NFIB: variants seen among roughly 807,000 people sequenced by gnomAD.
The protein encoded by NFIB is nuclear factor 1 B-type.
NFIB carries 11 observed loss-of-function variants against 61.5 expected under a neutral mutation model. The observed-to-expected ratio is 0.18, with a 90% CI of 0.11 to 0.30. The LOEUF (loss-of-function observed/expected upper bound fraction) is 0.30, where lower values mean the gene tolerates loss of function less well. NFIB is among the 10% of genes least tolerant of loss of function. NFIB has a pLI of 1.00. For missense variants in NFIB, 471 were observed against 608.9 expected (o/e 0.77, Z 2.38); for synonymous variants, 260 against 216.5 (o/e 1.20, Z -1.76).
chr9:14,509,178 T>C, the NFIB span, among the ~76,000 whole-genome samples: 2 of 152,232 alleles, frequency 1.3e-5, no homozygotes, highest in Admixed American at 6.5e-5. Context: ...CCTACCCTTG[T>C]AGAGCTCATA....
the NFIB span, among the ~76,000 whole-genome samples, chr9:14,512,629 T>A: frequency 1.3e-5 from 2 of 152,154 alleles, no homozygotes; most frequent in African/African-American, 4.8e-5. Context: ...ATTATCATGC[T>A]TTTAATGTAG....
chr9:14,211,071 T>TA (rs2050255551), intron 2 of NFIB, among the ~76,000 whole-genome samples: 5 of 152,238 alleles, frequency 3.3e-5, no homozygotes, highest in Non-Finnish European at 7.3e-5. Context: ...TTTAAAGTAT[T>TA]AATTACATAC....
the NFIB span, among the ~76,000 whole-genome samples, chr9:14,420,782 G>A: frequency 1.8e-4 from 28 of 152,048 alleles, no homozygotes; most frequent in Non-Finnish European, 3.5e-4. Context: ...ACACAGTCCC[G>A]AAACTTCCTA....
intron 2 of NFIB, among the ~76,000 whole-genome samples, chr9:14,195,369 T>C (rs771778255): frequency 5.9e-5 from 9 of 152,206 alleles, no homozygotes; most frequent in Non-Finnish European, 1.2e-4. Flanking sequence ...TGACAAAATA[T>C]TGTATTTTTT....
rs201069181 is a variant in NFIB at position 14,371,112 on chromosome 9, A to C, written c.108+27412T>G. 9.4e-3 allele frequency among the ~76,000 whole-genome samples: 1,353 copies of C among 143,186 alleles called. 12 individuals carry two copies. The highest frequency in any genetic ancestry group is 0.014 in the Non-Finnish European group (877 of 62,658). The allele number at this position is 143,186 out of a possible 152,430, so 93.9% of individuals were successfully genotyped here. A position where few individuals can be genotyped will look rare whatever the true frequency, so the allele number is the denominator to read the frequency against. On this transcript the variant is annotated intron_variant, in intron 1 of 8. Coordinates refer to the NFIB transcript ENST00000380934. ...CCTGTCTCAAAAAAACCAAACCAAA[A>C]CAAAACAAACAAACAAACAAACAAA...
the NFIB span, among the ~76,000 whole-genome samples, chr9:14,528,063 G>A: frequency 5.3e-5 from 8 of 151,912 alleles, no homozygotes; most frequent in African/African-American, 1.7e-4. Context: ...ATTTATCAGA[G>A]GATCTATTAA....
chr9:14,487,979 A>G, the NFIB span, among the ~76,000 whole-genome samples: 1 of 152,184 alleles, frequency 6.6e-6, no homozygotes, highest in African/African-American at 2.4e-5. Flanking sequence ...TCTAAAGAAC[A>G]TGACACAGGC....
intron 2 of NFIB, among the ~76,000 whole-genome samples, chr9:14,297,396 A>G (rs1049995031): frequency 6.6e-6 from 1 of 152,220 alleles, no homozygotes; most frequent in African/African-American, 2.4e-5. Context: ...CACTTCATTC[A>G]ACCTTCCTCC....
the NFIB span, among the ~76,000 whole-genome samples, chr9:14,456,856 C>T: frequency 3.9e-5 from 6 of 152,126 alleles, no homozygotes; most frequent in African/African-American, 1.4e-4. Flanking sequence ...ATTGATGCAC[C>T]TGTACATGTG....
chr9:14,217,660 C>CAAAAAAAAAAAAAAAAAAAAAAAAAA lies in NFIB; in HGVS notation c.563-37881_563-37880insTTTTTTTTTTTTTTTTTTTTTTTTTT, dbSNP rs34055171. Among the ~76,000 whole-genome samples, 13 of 81,498 alleles carry CAAAAAAAAAAAAAAAAAAAAAAAAAA rather than the reference C, an allele frequency of 1.6e-4. No individual in the cohort carries two copies. In the East Asian group the frequency reaches 2.2e-3, roughly 14 times the overall value. 53.5% of individuals were successfully genotyped at this position (81,498 alleles called of 152,430 possible). A position where few individuals can be genotyped will look rare whatever the true frequency, so the allele number is the denominator to read the frequency against. On this transcript the variant is annotated intron_variant, in intron 2 of 10. Coordinates refer to ENST00000380953, the MANE Select transcript of NFIB (RefSeq NM_001190737.2). The stretch of plus-strand genomic sequence containing the variant: ...GGGCAACAAGAGTGAAACTCCATCT[C>CAAAAAAAAAAAAAAAAAAAAAAAAAA]AAAAAAAAAAAAAAAAAAAAAGACA...
At chr9:14,091,253 T>C (rs1162700214) in intron 10 of NFIB, among the ~76,000 whole-genome samples, 1 of 151,102 alleles carries the variant, frequency 6.6e-6, no homozygotes, top group Non-Finnish European at 1.5e-5. Context: ...GGTAGTCCTG[T>C]TAAAAAAAAA....
chr9:14,086,703 A>G lies in NFIB; in HGVS notation c.*1606T>C, dbSNP rs1376644922. ...CGTCTGGAGTACAAAATATTTTGTC[A>G]TAAAAATGGTAAAGATTTAAAATGA... On this transcript the variant is annotated 3_prime_UTR_variant, in exon 11 of 11. Coordinates refer to ENST00000380953, the MANE Select transcript of NFIB (RefSeq NM_001190737.2). The G allele has an allele frequency of 4.7e-6, 1 of 214,404 alleles. No individual in the cohort carries two copies. The highest frequency in any genetic ancestry group is 9.4e-6 in the Non-Finnish European group (1 of 106,006). 13.3% of individuals were successfully genotyped at this position (214,404 alleles called of 1,614,324 possible). A position where few individuals can be genotyped will look rare whatever the true frequency, so the allele number is the denominator to read the frequency against.
the NFIB span, among the ~76,000 whole-genome samples, chr9:14,485,690 C>A: frequency 6.6e-6 from 1 of 152,144 alleles, no homozygotes; most frequent in Non-Finnish European, 1.5e-5. Flanking sequence ...GCTTGGCTAA[C>A]ATGCTGAAAC....
chr9:14,443,092 G>C, the NFIB span, among the ~76,000 whole-genome samples: 3 of 136,166 alleles, frequency 2.2e-5, no homozygotes, highest in Non-Finnish European at 4.5e-5. Flanking sequence ...CCTTCCCAGA[G>C]TGCAGGACAG....
At chr9:14,453,700 TC>T in the NFIB span, among the ~76,000 whole-genome samples, 15 of 152,208 alleles carry the variant, frequency 9.9e-5, no homozygotes, top group African/African-American at 3.6e-4. Flanking sequence ...TAGGGTACAT[TC>T]CCGTTTGAAA....
At chr9:14,190,178 T>C (rs1446427630) in intron 2 of NFIB, among the ~76,000 whole-genome samples, 1 of 152,194 alleles carries the variant, frequency 6.6e-6, no homozygotes, top group African/African-American at 2.4e-5. Context: ...GGGTTTTTTA[T>C]ATCTTATGTT....
chr9:14,196,961 A>G (rs16931451), intron 2 of NFIB, among the ~76,000 whole-genome samples: 1,715 of 152,310 alleles, frequency 0.011, 31 homozygotes, highest in African/African-American at 0.036. Context: ...TTTGAATCCA[A>G]TCAATCAAGA....
the NFIB span, among the ~76,000 whole-genome samples, chr9:14,418,444 C>G: frequency 1.3e-5 from 2 of 152,174 alleles, no homozygotes; most frequent in Non-Finnish European, 2.9e-5. Flanking sequence ...CCCCATCTCT[C>G]CAGGAGTCTC....
the NFIB span, among the ~76,000 whole-genome samples, chr9:14,508,696 G>C: frequency 1.3e-5 from 2 of 152,186 alleles, no homozygotes; most frequent in South Asian, 4.1e-4. Context: ...AGGATGGTCC[G>C]GCTACATGCC....
Sources: allele counts gnomAD v4.1 joint callset (sites outside exome capture counted in the v4.1 genomes callset), GRCh38; gene constraint gnomAD v4.1.1; transcripts MANE v1.5; gene names NCBI Gene and HGNC (gene_info 2026-07-23, HGNC 2026-07-21).